The following NME7 variants were observed in gnomAD, a reference collection of about 807,000 sequenced individuals.
NME7 encodes the protein nucleoside diphosphate kinase 7.
Under a neutral mutation model 49.1 loss-of-function variants are expected in NME7, and 41 were observed. The observed-to-expected ratio is 0.83, with a 90% CI of 0.65 to 1.08. The LOEUF (loss-of-function observed/expected upper bound fraction) is 1.08, where lower values mean the gene tolerates loss of function less well. NME7 is among the 50% of genes least tolerant of loss of function. The probability of loss-of-function intolerance (pLI) is 0.00; values close to 1 mark genes in which losing one functional copy is unlikely to be tolerated. For synonymous variants in NME7, 139 were observed against 150.6 expected (o/e 0.92, Z 0.56); for missense variants, 423 against 463.4 (o/e 0.91, Z 0.80).
chr1:169,193,783 A>G (rs373214151), intron 10 of NME7, among the ~76,000 whole-genome samples: 1 of 152,162 alleles, frequency 6.6e-6, no homozygotes, highest in African/African-American at 2.4e-5. Flanking sequence ...GAATAGGGTT[A>G]TTTTTAAAGA....
intron 3 of NME7, among the ~76,000 whole-genome samples, chr1:169,314,481 G>A (rs188207527): frequency 4.0e-5 from 6 of 151,852 alleles, no homozygotes; most frequent in African/African-American, 9.7e-5. Flanking sequence ...CAAGCAATCC[G>A]AACAATCAAA....
intron 10 of NME7, among the ~76,000 whole-genome samples, chr1:169,178,196 A>C (rs577871812): frequency 6.6e-6 from 1 of 152,234 alleles, no homozygotes; most frequent in Non-Finnish European, 1.5e-5. Flanking sequence ...CAGAAATCAG[A>C]TGTGATCGAT....
chr1:169,144,017 A>G (rs1474210190), intron 11 of NME7, among the ~76,000 whole-genome samples: 1 of 152,172 alleles, frequency 6.6e-6, no homozygotes, highest in African/African-American at 2.4e-5. Context: ...ATAAATTTCA[A>G]ACTCCTAAAT....
In NME7 at chr1:169,252,900, T is replaced by C. The variant is rs1462644222; in HGVS notation, c.755-15213A>G. The stretch of plus-strand genomic sequence containing the variant: ...TATGCGGTGTTATTTCTGAGGGCTC[T>C]GTTCTGTTCCATTGATCTATATCTC... On this transcript the variant is annotated intron_variant, in intron 7 of 11. Coordinates refer to ENST00000367811, the MANE Select transcript of NME7 (RefSeq NM_013330.5). Among the ~76,000 whole-genome samples the C allele has an allele frequency of 2.7e-5, 4 of 149,858 alleles. No individual in the cohort carries two copies. The East Asian group carries it at 7.8e-4, about 29-fold the overall frequency.
intron 9 of NME7, among the ~76,000 whole-genome samples, chr1:169,232,695 C>T (rs12126266): frequency 0.38 from 57,107 of 151,090 alleles, 11,487 homozygotes; most frequent in East Asian, 0.79. Flanking sequence ...AAAAGGAAGA[C>T]GTTTTAAGAC....
At chr1:169,293,079 G>C (rs1234604625) in intron 6 of NME7, among the ~76,000 whole-genome samples, 1 of 151,938 alleles carries the variant, frequency 6.6e-6, no homozygotes, top group Non-Finnish European at 1.5e-5. Flanking sequence ...AGGCTCACTG[G>C]AGACCAGGAG....
chr1:169,363,350 T>C (rs1282438617), intron 1 of NME7, among the ~76,000 whole-genome samples: 4 of 152,202 alleles, frequency 2.6e-5, no homozygotes, highest in Non-Finnish European at 5.9e-5. Context: ...GTAAGAAATA[T>C]ATTTTACATC....
intron 11 of NME7, chr1:169,168,967 T>C (rs1659497172): frequency 2.3e-6 from 1 of 441,614 alleles, no homozygotes; most frequent in South Asian, 1.6e-5. Flanking sequence ...GGGTCAACTG[T>C]ATGTATTTTC....
At chr1:169,336,090 G>A (rs1290396429) in intron 1 of NME7, among the ~76,000 whole-genome samples, 2 of 151,890 alleles carry the variant, frequency 1.3e-5, no homozygotes, top group African/African-American at 2.4e-5. Flanking sequence ...TGGTGGGTTC[G>A]TGGTCTCGCT....
intron 3 of NME7, among the ~76,000 whole-genome samples, chr1:169,319,218 A>G (rs535543603): frequency 4.6e-5 from 7 of 152,226 alleles, no homozygotes; most frequent in East Asian, 1.9e-4. Flanking sequence ...TTTCCTTCCA[A>G]TGAAATTTCT....
At chr1:169,169,189 A>G (rs1482154095) in intron 11 of NME7, 2 of 380,354 alleles carry the variant, frequency 5.3e-6, no homozygotes, top group African/African-American at 2.1e-5. Flanking sequence ...GGAACATCAC[A>G]TACCAGGACT....
chr1:169,306,024 G>C, intron 4 of NME7, among the ~76,000 whole-genome samples: 1 of 152,154 alleles, frequency 6.6e-6, no homozygotes, highest in East Asian at 1.9e-4. Context: ...CATTTGAGTT[G>C]GTTCTGAACG....
Position 169,287,356 on chromosome 1 carries a change from G to A in NME7, c.701C>T (p.Ala234Val), listed in dbSNP as rs138939685. 18 of 1,610,228 alleles carry A rather than the reference G, an allele frequency of 1.1e-5. No homozygotes were observed. Among genetic ancestry groups the A allele is most frequent in the Admixed American group, 1.7e-5 (1 of 59,494 alleles). ...GCAACAGGTACAATTAGTAAATTTA[G>A]CAGTGTTTGCCGGCCCACAACCTCC... is the stretch of plus-strand genomic sequence containing the variant. ...SSGGCGPANTAKFTNCTCCIV... is the reference protein window; with the variant it reads ...SSGGCGPANTVKFTNCTCCIV... The change falls in exon 7 of 12, where the codon GCT becomes GTT. Residue 234 changes from alanine to valine, a missense_variant. Coordinates refer to ENST00000367811, the MANE Select transcript of NME7 (RefSeq NM_013330.5).
At chr1:169,348,728 T>C (rs1653039813) in intron 1 of NME7, among the ~76,000 whole-genome samples, 1 of 152,142 alleles carries the variant, frequency 6.6e-6, no homozygotes, top group Non-Finnish European at 1.5e-5. Flanking sequence ...TTTAGCCCTG[T>C]AGTTATTCAT....
At chr1:169,363,429 T>G (rs912929212) in intron 1 of NME7, among the ~76,000 whole-genome samples, 1 of 152,134 alleles carries the variant, frequency 6.6e-6, no homozygotes, top group Non-Finnish European at 1.5e-5. Context: ...TTACAACATG[T>G]AGTGAATATG....
chr1:169,355,004 ATGT>A lies in NME7; in HGVS notation c.3+12701_3+12703del, dbSNP rs1397673681. Among the ~76,000 whole-genome samples, 91 of 52,182 alleles carry A rather than the reference ATGT, an allele frequency of 1.7e-3. 1 individual carries two copies. Among genetic ancestry groups the A allele is most frequent in the Admixed American group, 3.0e-3 (8 of 2,710 alleles). The allele number at this position is 52,182 out of a possible 152,430, so 34.2% of individuals were successfully genotyped here. A position where few individuals can be genotyped will look rare whatever the true frequency, so the allele number is the denominator to read the frequency against. ...ATGTTTATATATAATATAATTATATATGTTTATATATAATATAATTATATATTA... is the reference window on the plus strand; with the variant it reads ...ATGTTTATATATAATATAATTATATATTATATATAATATAATTATATATTA... On this transcript the variant is annotated intron_variant, in intron 1 of 11. Coordinates refer to ENST00000367811, the MANE Select transcript of NME7 (RefSeq NM_013330.5).
chr1:169,176,073 C>T (rs948734908), intron 10 of NME7, among the ~76,000 whole-genome samples: 65 of 152,190 alleles, frequency 4.3e-4, no homozygotes, highest in African/African-American at 1.5e-3. Flanking sequence ...CAAAACTGAC[C>T]CATCAAACAG....
At chr1:169,143,070 A>C (rs1043885054) in intron 11 of NME7, among the ~76,000 whole-genome samples, 21 of 152,168 alleles carry the variant, frequency 1.4e-4, no homozygotes, top group African/African-American at 5.1e-4. Context: ...TTATTTAACA[A>C]ATCTATCCCA....
chr1:169,168,723 C>T (rs1659487055), intron 11 of NME7: 1 of 385,656 alleles, frequency 2.6e-6, no homozygotes, highest in African/African-American at 2.1e-5. Flanking sequence ...ACTACTAATG[C>T]TGTTGACCGG....
Sources: gnomAD v4.1 joint callset for allele counts (sites outside exome capture counted in the v4.1 genomes callset) on GRCh38, gnomAD v4.1.1 for gene constraint, MANE v1.5 for transcripts, NCBI Gene and HGNC (gene_info 2026-07-23, HGNC 2026-07-21) for gene names.